The following CCDC88A variants were observed in gnomAD, a reference collection of about 807,000 sequenced individuals.
The protein encoded by CCDC88A is girdin.
A neutral mutation model predicts 234.3 loss-of-function variants in CCDC88A; 54 were observed. The ratio of observed to expected loss-of-function variants is 0.23; its 90% CI spans 0.19 to 0.29. CCDC88A has a LOEUF of 0.29. CCDC88A is among the 10% of genes least tolerant of loss of function. The pLI is 1.00. For missense variants in CCDC88A, 1,832 were observed against 2,123.4 expected, an observed-to-expected ratio of 0.86 and a Z score of 2.70; for synonymous variants, 753 against 737.8, an observed-to-expected ratio of 1.02 and a Z score of -0.33.
chr2:55,322,213 A>C (rs565911433), intron 18 of CCDC88A, among the ~76,000 whole-genome samples: 1 of 152,344 alleles, frequency 6.6e-6, no homozygotes, highest in South Asian at 2.1e-4. Flanking sequence ...AAAAAACTAA[A>C]GCAGTGGAAC....
chr2:55,361,513 T>C (rs1671311325), intron 7 of CCDC88A, among the ~76,000 whole-genome samples: 1 of 152,230 alleles, frequency 6.6e-6, no homozygotes, highest in African/African-American at 2.4e-5. Flanking sequence ...AAAGTTTTAT[T>C]CTGAAAAAAA....
chr2:55,306,442 C>A (rs2104586785), intron 25 of CCDC88A, among the ~76,000 whole-genome samples: 1 of 152,132 alleles, frequency 6.6e-6, no homozygotes, highest in East Asian at 1.9e-4. Flanking sequence ...CACACACACA[C>A]ACACGTACAT....
At chr2:55,322,003 A>ATT (rs1683697879) in intron 18 of CCDC88A, among the ~76,000 whole-genome samples, 1 of 148,338 alleles carries the variant, frequency 6.7e-6, no homozygotes, top group African/African-American at 2.6e-5. Flanking sequence ...TTTGAAGGGT[A>ATT]AGTATTTGTT....
chr2:55,308,082 T>C (rs1681860453), intron 25 of CCDC88A: 1 of 151,284 alleles, frequency 6.6e-6, no homozygotes, highest in Non-Finnish European at 1.5e-5. Flanking sequence ...ATTACAGGCA[T>C]GAGCCACCAC....
Position 55,372,031 on chromosome 2 carries a change from C to CT in CCDC88A, c.402+420dup, listed in dbSNP as rs922488319. Among the ~76,000 whole-genome samples the CT allele has an allele frequency of 1.4e-4, 21 of 152,118 alleles. 1 individual carries two copies. The highest frequency in any genetic ancestry group is 4.8e-4 in the African/African-American group (20 of 41,516). ...AAACACTTTTCATAAATTCTGCCTC[C>CT]TTTTTTACCTTTTTTTTCTTTTAAA... On this transcript the variant is annotated intron_variant, in intron 5 of 32. Coordinates refer to ENST00000436346, the MANE Select transcript of CCDC88A (RefSeq NM_001365480.1).
intron 22 of CCDC88A, 77 bp downstream of exon 22, chr2:55,315,851 G>T (rs1328790680): frequency 5.1e-6 from 4 of 787,782 alleles, no homozygotes; most frequent in Non-Finnish European, 7.7e-6. Flanking sequence ...TATTGTCATT[G>T]TAATCTAGTC....
chr2:55,362,903 A>G (rs1671502841), intron 6 of CCDC88A, among the ~76,000 whole-genome samples: 1 of 151,990 alleles, frequency 6.6e-6, no homozygotes, highest in Non-Finnish European at 1.5e-5. Context: ...CTGTCACAGA[A>G]GCTTAGGAGA....
chr2:55,318,339 G>A (rs1163368944), intron 19 of CCDC88A, among the ~76,000 whole-genome samples: 1 of 152,142 alleles, frequency 6.6e-6, no homozygotes, highest in African/African-American at 2.4e-5. Context: ...CTTTGATTCG[G>A]AGAGGGAACT....
At chr2:55,299,739 G>T in intron 29 of CCDC88A, 100 bp downstream of exon 29, 1 of 733,320 alleles carries the variant, frequency 1.4e-6, no homozygotes, top group South Asian at 1.7e-5. Context: ...AAACATAGAT[G>T]ATTTGGATTT....
At chr2:55,367,957 T>G (rs1282814033) in intron 5 of CCDC88A, among the ~76,000 whole-genome samples, 3 of 152,212 alleles carry the variant, frequency 2.0e-5, no homozygotes, top group Non-Finnish European at 4.4e-5. Flanking sequence ...ATAGGTATTA[T>G]GTAGGTTTTA....
chr2:55,291,543 T>A, intron 32 of CCDC88A, 133 bp downstream of exon 32: 2 of 433,234 alleles, frequency 4.6e-6, no homozygotes, highest in Admixed American at 8.6e-5. Flanking sequence ...CACTAGTAAG[T>A]AGAACAGAAA....
intron 29 of CCDC88A, among the ~76,000 whole-genome samples, chr2:55,297,558 G>T (rs1375620393): frequency 6.8e-6 from 1 of 148,110 alleles, no homozygotes; most frequent in Non-Finnish European, 1.5e-5. Flanking sequence ...TTACAGGCAT[G>T]CGCCCCCATG....
chr2:55,395,549 T>C (rs2867176), intron 2 of CCDC88A, among the ~76,000 whole-genome samples: 45,454 of 152,134 alleles, frequency 0.3, 7,182 homozygotes, highest in East Asian at 0.54. Flanking sequence ...TTCTAAAAAT[T>C]ACCATATTTC....
chr2:55,406,646 T>C (rs987321786), intron 2 of CCDC88A, among the ~76,000 whole-genome samples: 1 of 151,918 alleles, frequency 6.6e-6, no homozygotes, highest in Admixed American at 6.6e-5. Context: ...GTAATCCCAG[T>C]TACTCGTGAG....
At chr2:55,402,838 T>G (rs1236830804) in intron 2 of CCDC88A, among the ~76,000 whole-genome samples, 1 of 151,622 alleles carries the variant, frequency 6.6e-6, no homozygotes, top group African/African-American at 2.4e-5. Flanking sequence ...TGAAACCCCA[T>G]CTCTACTAAA....
Position 55,336,805 on chromosome 2 carries a change from T to C in CCDC88A, c.1532A>G (p.Glu511Gly). ...TTGCTTTTCTTGAACAATCTCATTT[T>C]CAAGAATCTCAACCTAGAGAAAATT... Reference protein sequence around the residue: ...QRLSKKVEILENEIVQEKQSL... With the variant: ...QRLSKKVEILGNEIVQEKQSL... Residue 511 changes from glutamate to glycine, a missense_variant, in exon 14 of 33, where the codon GAA (glutamate) becomes GGA (glycine). This residue lies in a region of CCDC88A where 1,282 missense variants were observed against 1,543.6 expected (regional missense o/e 0.83). Coordinates refer to ENST00000436346, the MANE Select transcript of CCDC88A (RefSeq NM_001365480.1). The C allele has an allele frequency of 6.3e-7, 1 of 1,575,352 alleles. No homozygotes were observed. The highest frequency in any genetic ancestry group is 1.2e-5 in the South Asian group (1 of 86,502).
In CCDC88A at chr2:55,295,340, T is replaced by C. The variant is rs750262631; in HGVS notation, c.5551+257A>G. The C allele has an allele frequency of 7.2e-5, 109 of 1,509,478 alleles. 2 individuals carry two copies. The South Asian group carries it at 1.1e-3, about 16-fold the overall frequency. The allele number at this position is 1,509,478 out of a possible 1,614,324, so 93.5% of individuals were successfully genotyped here. ...TACTAACTAATTCTGTATTCAGGGA[T>C]AAGAATGGCTGAGATGAATGGGCCA... On this transcript the variant is annotated intron_variant, in intron 31 of 32. Coordinates refer to ENST00000436346, the MANE Select transcript of CCDC88A (RefSeq NM_001365480.1).
At chr2:55,409,492 C>T (rs1293623270) in intron 2 of CCDC88A, among the ~76,000 whole-genome samples, 1 of 152,228 alleles carries the variant, frequency 6.6e-6, no homozygotes, top group Non-Finnish European at 1.5e-5. Flanking sequence ...CATGCACCTC[C>T]CCCTTATTGT....
chr2:55,342,210 T>A (rs1668594620), intron 12 of CCDC88A, among the ~76,000 whole-genome samples: 1 of 152,214 alleles, frequency 6.6e-6, no homozygotes. Context: ...ACTTAAAAAA[T>A]TTTTAGTGCC....
Sources: gnomAD v4.1 joint callset for allele counts (sites outside exome capture counted in the v4.1 genomes callset) on GRCh38, gnomAD v4.1.1 for gene constraint, gnomAD v4.1.1 regional missense constraint, MANE v1.5 for transcripts, NCBI Gene and HGNC (gene_info 2026-07-23, HGNC 2026-07-21) for gene names.